VPS13B: variants seen among roughly 807,000 people sequenced by gnomAD.
VPS13B encodes intermembrane lipid transfer protein VPS13B.
A neutral mutation model predicts 426.4 loss-of-function variants in VPS13B; 285 were observed. The ratio of observed to expected loss-of-function variants is 0.67; its 90% confidence interval spans 0.61 to 0.74. VPS13B has a LOEUF of 0.74. Ranked by LOEUF, VPS13B falls within the 30% of genes least tolerant of loss-of-function variation. The pLI, the probability that VPS13B is intolerant of heterozygous loss-of-function variation, is 0.00. For synonymous variants in VPS13B, 1,676 were observed against 1,676.4 expected (o/e 1.00, Z 0.01); for missense variants, 4,537 against 4,782.6 (o/e 0.95, Z 1.51).
At chr8:99,307,841 A>G (rs1204158793) in intron 19 of VPS13B, among the ~76,000 whole-genome samples, 2 of 152,052 alleles carry the variant, frequency 1.3e-5, no homozygotes, top group Non-Finnish European at 2.9e-5. Flanking sequence ...CTTGAGGTAC[A>G]ACATTAGATA....
At position 99,766,876 on chromosome 8, in the gene VPS13B, G is replaced by A. The variant is rs1347208371; in HGVS notation, c.7153G>A (p.Asp2385Asn). 4.3e-6 allele frequency: 7 copies of A among 1,613,994 alleles called. No homozygotes were observed. Among genetic ancestry groups the A allele is most frequent in the Non-Finnish European group, 5.1e-6 (6 of 1,179,948 alleles). ...ESKVCELQLPDINLVNDQKKL... is the reference protein window; with the variant it reads ...ESKVCELQLPNINLVNDQKKL... ...CAAAGTTTGTGAACTGCAGTTGCCGGATATCAATCTCGTGAATGACCAGAA... is the reference window on the plus strand; with the variant it reads ...CAAAGTTTGTGAACTGCAGTTGCCGAATATCAATCTCGTGAATGACCAGAA... The change falls in exon 40 of 62, where the codon GAT becomes AAT. Residue 2385 changes from aspartate to asparagine, a missense_variant. Around this residue, in one of 2 missense-constraint regions of VPS13B, gnomAD observed 4,311 missense variants for 4,474.3 expected, o/e 0.96. Transcript: ENST00000357162.
intron 28 of VPS13B, 86 bp from the exon 29 acceptor site, chr8:99,511,018 C>A: frequency 6.9e-7 from 1 of 1,454,812 alleles, no homozygotes; most frequent in South Asian, 1.2e-5. Context: ...GGTAAAAATA[C>A]TCACTGAGGT....
intron 19 of VPS13B, among the ~76,000 whole-genome samples, chr8:99,328,313 G>A (rs771740221): frequency 6.6e-6 from 1 of 152,164 alleles, no homozygotes; most frequent in Non-Finnish European, 1.5e-5. Flanking sequence ...AAATGGTTCA[G>A]GAGTGCTGAT....
intron 19 of VPS13B, among the ~76,000 whole-genome samples, chr8:99,343,113 A>G (rs992405543): frequency 2.8e-5 from 4 of 140,446 alleles, no homozygotes; most frequent in African/African-American, 1.1e-4. Flanking sequence ...TTTTTTTTTG[A>G]GACGGGAGTC....
intron 39 of VPS13B, among the ~76,000 whole-genome samples, chr8:99,747,440 A>G (rs903164247): frequency 1.3e-5 from 2 of 152,090 alleles, no homozygotes; most frequent in East Asian, 3.8e-4. Context: ...TTTACATTCA[A>G]GTGAATACAG....
At chr8:99,379,382 T>C (rs934704660) in intron 19 of VPS13B, among the ~76,000 whole-genome samples, 11 of 152,186 alleles carry the variant, frequency 7.2e-5, no homozygotes, top group Admixed American at 7.2e-4. Flanking sequence ...CAGAACTTAT[T>C]TTTTAATGTT....
Position 99,663,272 on chromosome 8 carries a change from T to A in VPS13B, c.6046+1781T>A, listed in dbSNP as rs1830313938. Among the ~76,000 whole-genome samples, 3 of 152,188 alleles carry A rather than the reference T, an allele frequency of 2.0e-5. No homozygotes were observed. The South Asian group carries it at 6.2e-4, about 31-fold the overall frequency. ...AGAGACTGAAACCATCTCCACTGAC[T>A]TTGTCACTGGGGACGAATTCTTCTT... On this transcript the variant is annotated intron_variant, in intron 35 of 61. Coordinates refer to ENST00000357162, the MANE Select transcript of VPS13B (RefSeq NM_152564.5).
intron 38 of VPS13B, 45 bp downstream of exon 38, chr8:99,720,597 G>A: frequency 1.9e-6 from 3 of 1,589,854 alleles, no homozygotes; most frequent in African/African-American, 1.3e-5. Context: ...TGTGCATGTG[G>A]TTGCATTTTA....
At chr8:99,271,248 C>T (rs952911632) in intron 17 of VPS13B, among the ~76,000 whole-genome samples, 12 of 114,276 alleles carry the variant, frequency 1.1e-4, no homozygotes, top group African/African-American at 3.8e-4. Flanking sequence ...ACTACTACTA[C>T]GATGATGATT....
chr8:99,862,374 G>T (rs906261668), intron 58 of VPS13B, among the ~76,000 whole-genome samples: 1 of 152,168 alleles, frequency 6.6e-6, no homozygotes, highest in Non-Finnish European at 1.5e-5. Context: ...CAAATGTCAC[G>T]TAAACTTCAG....
chr8:99,047,362 G>C (rs952886916), intron 3 of VPS13B, among the ~76,000 whole-genome samples: 3 of 152,040 alleles, frequency 2.0e-5, no homozygotes, highest in African/African-American at 7.2e-5. Flanking sequence ...TTTCTGTCTT[G>C]TCCGTTGTAA....
Position 99,687,323 on chromosome 8 carries a change from T to C in VPS13B, c.6047-12202T>C, listed in dbSNP as rs1038617953. Among the ~76,000 whole-genome samples, 3 of 151,970 alleles carry C rather than the reference T, an allele frequency of 2.0e-5. No individual in the cohort carries two copies. The East Asian group carries it at 5.8e-4, about 29-fold the overall frequency. On this transcript the variant is annotated intron_variant, in intron 35 of 61. Coordinates refer to ENST00000357162, the MANE Select transcript of VPS13B (RefSeq NM_152564.5). ...ATTGGAGGAGGGGTGGCACAAGCAC[T>C]CCCTTAGCTGCCCCATCTGGTGTCT...
chr8:99,364,808 A>T (rs556467874), intron 19 of VPS13B, among the ~76,000 whole-genome samples: 1 of 152,106 alleles, frequency 6.6e-6, no homozygotes, highest in East Asian at 1.9e-4. Context: ...ATGAGTTTGG[A>T]AGTATTACCT....
intron 25 of VPS13B, among the ~76,000 whole-genome samples, chr8:99,498,898 G>T (rs1184228846): frequency 6.6e-6 from 1 of 152,148 alleles, no homozygotes; most frequent in Non-Finnish European, 1.5e-5. Context: ...AGTACAAACA[G>T]TGGTCGAAGT....
chr8:99,805,403 A>T (rs1159542867), intron 43 of VPS13B, among the ~76,000 whole-genome samples: 2 of 152,182 alleles, frequency 1.3e-5, no homozygotes, highest in Non-Finnish European at 2.9e-5. Flanking sequence ...ATGCAGTTTA[A>T]CATTTTTTAT....
chr8:99,817,727 A>C lies in VPS13B; in HGVS notation c.8285A>C (p.Lys2762Thr). ...AATGAACTGACGGAGCTGTGTGTGA[A>C]GGCCAAAGGAGATGAAGACTGGTCA... ...ENNELTELCV[K>T]AKGDEDWSRD... Residue 2762 changes from lysine (K) to threonine (T), a missense_variant, in exon 45 of 62, where the codon AAG (lysine) becomes ACG (threonine). This residue lies in a region of VPS13B where 4,311 missense variants were observed against 4,474.3 expected (regional missense o/e 0.96). Coordinates refer to ENST00000357162, the MANE Select transcript of VPS13B (RefSeq NM_152564.5). 6.2e-7 allele frequency: 1 copy of C among 1,614,138 alleles called. No individual in the cohort carries two copies. The highest frequency in any genetic ancestry group is 1.3e-5 in the African/African-American group (1 of 75,064).
At chr8:99,539,566 C>G (rs887014658) in intron 30 of VPS13B, among the ~76,000 whole-genome samples, 1 of 152,092 alleles carries the variant, frequency 6.6e-6, no homozygotes, top group South Asian at 2.1e-4. Flanking sequence ...GTCAGCAAAA[C>G]AAGACCCTGT....
At chr8:99,362,564 A>G (rs1812630018) in intron 19 of VPS13B, among the ~76,000 whole-genome samples, 1 of 152,234 alleles carries the variant, frequency 6.6e-6, no homozygotes, top group Non-Finnish European at 1.5e-5. Flanking sequence ...AAATGGTCTT[A>G]TTTGAATTAG....
At chr8:99,249,912 C>A (rs772067057) in intron 17 of VPS13B, among the ~76,000 whole-genome samples, 11 of 150,748 alleles carry the variant, frequency 7.3e-5, no homozygotes, top group Non-Finnish European at 1.6e-4. Flanking sequence ...ATGTCTCTTG[C>A]GGTTGGGGGT....
Sources: allele counts gnomAD v4.1 joint callset (sites outside exome capture counted in the v4.1 genomes callset), GRCh38; gene constraint gnomAD v4.1.1; regional missense constraint gnomAD v4.1.1; transcripts MANE v1.5; gene names NCBI Gene and HGNC (gene_info 2026-07-23, HGNC 2026-07-21).